The following BTG4 variants were observed in gnomAD, a reference collection of about 807,000 sequenced individuals.
The protein encoded by BTG4 is BTG anti-proliferation factor 4.
BTG4 carries 10 observed loss-of-function variants against 19.3 expected under a neutral mutation model. The observed-to-expected ratio is 0.52, with a 90% CI of 0.32 to 0.88. The LOEUF (loss-of-function observed/expected upper bound fraction) is 0.88, where lower values mean the gene tolerates loss of function less well. Ranked by LOEUF, BTG4 falls within the 40% of genes least tolerant of loss-of-function variation. The pLI is 0.04. For missense variants in BTG4, 238 were observed against 281.9 expected (o/e 0.84, Z 1.11); for synonymous variants, 91 against 95.7 (o/e 0.95, Z 0.29).
chr11:111,437,662 C>G, the BTG4 span, among the ~76,000 whole-genome samples: 1 of 152,228 alleles, frequency 6.6e-6, no homozygotes, highest in East Asian at 1.9e-4. Context: ...CAGCGAGTGC[C>G]TAGACCCCCA....
downstream of BTG4, among the ~76,000 whole-genome samples, chr11:111,464,045 G>A (rs748492941): frequency 1.3e-5 from 2 of 152,220 alleles, no homozygotes; most frequent in East Asian, 3.8e-4. Flanking sequence ...TGCCCAGGCT[G>A]TAGTGCAGTG....
At chr11:111,462,183 G>T in the BTG4 span, 1 of 152,294 alleles carries the variant, frequency 6.6e-6, no homozygotes, top group African/African-American at 2.4e-5. Context: ...CCCAGCCCCA[G>T]GCCCAAGATT....
chr11:111,433,674 T>C, the BTG4 span, among the ~76,000 whole-genome samples: 1 of 150,436 alleles, frequency 6.6e-6, no homozygotes, highest in Non-Finnish European at 1.5e-5. Context: ...AGGACTAATA[T>C]CCAGAATTTA....
At chr11:111,406,643 C>T in the BTG4 span, among the ~76,000 whole-genome samples, 1 of 152,140 alleles carries the variant, frequency 6.6e-6, no homozygotes, top group Admixed American at 6.5e-5. Flanking sequence ...TTTAGTTGGA[C>T]CAGAAATGAG....
intron 1 of BTG4, among the ~76,000 whole-genome samples, chr11:111,504,935 G>A (rs1040136734): frequency 2.0e-5 from 3 of 151,926 alleles, no homozygotes. Flanking sequence ...TCTCTACAAG[G>A]AGAACTACAA....
intron 5 of BTG4, among the ~76,000 whole-genome samples, chr11:111,477,355 C>T (rs559430066): frequency 2.0e-5 from 3 of 152,160 alleles, no homozygotes; most frequent in Non-Finnish European, 4.4e-5. Flanking sequence ...CACACACACA[C>T]AGCCCACTGA....
chr11:111,390,986 T>C, the BTG4 span, among the ~76,000 whole-genome samples: 1 of 152,298 alleles, frequency 6.6e-6, no homozygotes, highest in Non-Finnish European at 1.5e-5. Flanking sequence ...TGCAGAAAAT[T>C]TGGCAGACTT....
rs755287966 is a variant in BTG4 at position 111,497,294 on chromosome 11, A to G, written c.427T>C (p.Ser143Pro). Residue 143 changes from serine to proline, a missense_variant, in exon 4 of 5, where the codon TCT becomes CCT. Coordinates refer to ENST00000692032, the MANE Select transcript of BTG4 (RefSeq NM_001367975.1). ...AVSRASSDVSSGTSCDEESCS... is the reference protein window; with the variant it reads ...AVSRASSDVSPGTSCDEESCS... ...CTTTCTTCATCGCAGGAAGTGCCAG[A>G]GGAAACGTCTGATGAGGCTCTACTA... 1.9e-6 allele frequency: 3 copies of G among 1,610,740 alleles called. No individual in the cohort carries two copies. The highest frequency in any genetic ancestry group is 2.5e-6 in the Non-Finnish European group (3 of 1,178,894).
upstream of BTG4, chr11:111,513,384 G>A: frequency 7.5e-6 from 4 of 533,462 alleles, no homozygotes; most frequent in Admixed American, 7.8e-5. Flanking sequence ...CCAATGAATT[G>A]CCTGCCTGTC....
chr11:111,502,223 T>C (rs1479790118), intron 1 of BTG4, among the ~76,000 whole-genome samples: 1 of 152,112 alleles, frequency 6.6e-6, no homozygotes, highest in African/African-American at 2.4e-5. Flanking sequence ...CTTCCTGCCT[T>C]GGCCTCTCAA....
At chr11:111,480,836 T>A (rs1326803154) in intron 5 of BTG4, among the ~76,000 whole-genome samples, 1 of 151,222 alleles carries the variant, frequency 6.6e-6, no homozygotes, top group Non-Finnish European at 1.5e-5. Context: ...AGTATATACA[T>A]TAGAAAAGAG....
the BTG4 span, chr11:111,455,534 G>A: frequency 8.2e-6 from 2 of 245,278 alleles, no homozygotes; most frequent in African/African-American, 4.4e-5. Flanking sequence ...CTTTCTGCTC[G>A]ACGCTGAGGG....
the BTG4 span, among the ~76,000 whole-genome samples, chr11:111,405,037 A>T: frequency 1.3e-5 from 2 of 152,164 alleles, no homozygotes; most frequent in African/African-American, 4.8e-5. Context: ...TGCCTAATGC[A>T]TGTTTGTAGT....
the BTG4 span, among the ~76,000 whole-genome samples, chr11:111,409,892 A>C: frequency 1.3e-5 from 2 of 152,232 alleles, no homozygotes; most frequent in African/African-American, 4.8e-5. Flanking sequence ...CAAATGAATA[A>C]GCTAATGTAT....
the BTG4 span, among the ~76,000 whole-genome samples, chr11:111,390,676 G>T: frequency 6.6e-6 from 1 of 152,190 alleles, no homozygotes; most frequent in Non-Finnish European, 1.5e-5. Context: ...CTAAGGCTCT[G>T]GTGGGCTTTC....
At chr11:111,438,300 A>G in the BTG4 span, among the ~76,000 whole-genome samples, 1 of 152,196 alleles carries the variant, frequency 6.6e-6, no homozygotes, top group Non-Finnish European at 1.5e-5. Flanking sequence ...TTGGGCCCCA[A>G]TATGCACAAT....
the BTG4 span, among the ~76,000 whole-genome samples, chr11:111,430,746 AC>A: frequency 2.6e-5 from 4 of 152,280 alleles, no homozygotes; most frequent in Non-Finnish European, 4.4e-5. Flanking sequence ...GGAAACTGAG[AC>A]CCAGAAAGGT....
At chr11:111,493,992 T>G (rs1010725739), downstream of BTG4, among the ~76,000 whole-genome samples, 12 of 152,106 alleles carry the variant, frequency 7.9e-5, no homozygotes, top group Admixed American at 3.3e-4. Flanking sequence ...AGCACAAGTC[T>G]ACTCACAAGA....
the BTG4 span, chr11:111,404,853 T>C: frequency 1.7e-5 from 6 of 344,778 alleles, no homozygotes; most frequent in Non-Finnish European, 2.9e-5. Context: ...ATTGTCAATA[T>C]TGAACAATTT....
Sources: gnomAD v4.1 joint callset for allele counts (sites outside exome capture counted in the v4.1 genomes callset) on GRCh38, gnomAD v4.1.1 for gene constraint, MANE v1.5 for transcripts, NCBI Gene and HGNC (gene_info 2026-07-23, HGNC 2026-07-21) for gene names.